The following GCG variants were observed in gnomAD, a reference collection of about 807,000 sequenced individuals.
GCG encodes glucagon.
In GCG, 11 loss-of-function variants were observed where a neutral mutation model predicts 22.8. That is an observed-to-expected ratio of 0.48 (90% CI 0.30 to 0.80). The LOEUF (loss-of-function observed/expected upper bound fraction) is 0.80, where lower values mean the gene tolerates loss of function less well. Among genes scored for constraint, GCG ranks in the 30% least tolerant of loss-of-function variants. The pLI is 0.06. For synonymous variants in GCG, 89 were observed against 72.4 expected (o/e 1.23, Z -1.16); for missense variants, 222 against 222.0 (o/e 1.00, Z 0.00).
At chr2:162,145,504 A>G in intron 4 of GCG, 36 bp downstream of exon 4, 1 of 1,557,996 alleles carries the variant, frequency 6.4e-7, no homozygotes, top group East Asian at 2.3e-5. Flanking sequence ...TTCTGCATCA[A>G]GGCAAAAAAT....
chr2:162,146,930 T>A (rs893288187), intron 3 of GCG, among the ~76,000 whole-genome samples: 2 of 152,186 alleles, frequency 1.3e-5, no homozygotes, highest in African/African-American at 4.8e-5. Flanking sequence ...GGAATGCATC[T>A]GTTTCCATTC....
In GCG at chr2:162,150,937, A is replaced by G. The variant is rs560342711; in HGVS notation, c.-10+1221T>C. On this transcript the variant is annotated intron_variant, in intron 1 of 5. Transcript: ENST00000418842. ...TCCGTATCTAATAATATTACCAACA[A>G]TAAATGACTTCTTCTGAAGAAAGAA... is the stretch of plus-strand genomic sequence containing the variant. 1.0e-3 allele frequency among the ~76,000 whole-genome samples: 157 copies of G among 152,204 alleles called. 2 individuals are homozygous for G. Among genetic ancestry groups the G allele is most frequent in the Non-Finnish European group, 1.5e-3 (105 of 67,992 alleles).
At chr2:162,147,331 T>C (rs1686713360) in intron 3 of GCG, 22 bp downstream of exon 3, 8 of 1,588,694 alleles carry the variant, frequency 5.0e-6, no homozygotes. Flanking sequence ...AAGCAAGTTT[T>C]GAGCCAGGCT....
rs1686573493 is a variant in GCG at position 162,143,301 on chromosome 2, A to G, written c.*63T>C. 2.2e-6 allele frequency: 2 copies of G among 896,940 alleles called. No homozygotes were observed. The highest frequency in any genetic ancestry group is 3.3e-6 in the Non-Finnish European group (2 of 597,870). 55.6% of individuals were successfully genotyped at this position (896,940 alleles called of 1,614,324 possible). A position where few individuals can be genotyped will look rare whatever the true frequency, so the allele number is the denominator to read the frequency against. On this transcript the variant is annotated 3_prime_UTR_variant, in exon 6 of 6. Coordinates refer to ENST00000418842, the MANE Select transcript of GCG (RefSeq NM_002054.5). Reference sequence around the variant, plus strand: ...ACCTCTTAAATTTACAGGACTTAACATTTCAAACATCCCACGTGGCTAGCA... The same window carrying G: ...ACCTCTTAAATTTACAGGACTTAACGTTTCAAACATCCCACGTGGCTAGCA...
chr2:162,147,830 T>C (rs1376398225), intron 2 of GCG, among the ~76,000 whole-genome samples: 9 of 152,020 alleles, frequency 5.9e-5, no homozygotes, highest in African/African-American at 2.2e-4. Context: ...CAGAAGAGAG[T>C]AGTGACTTGA....
intron 3 of GCG, among the ~76,000 whole-genome samples, chr2:162,146,466 C>CTGTGGCTG (rs1686685696): frequency 1.3e-5 from 2 of 151,946 alleles, no homozygotes; most frequent in Admixed American, 1.3e-4. Flanking sequence ...AGCCATCTTC[C>CTGTGGCTG]TGTGGCTGTA....
At chr2:162,145,783 T>A (rs1364785275) in intron 3 of GCG, 106 bp from the exon 4 acceptor site, 1 of 785,566 alleles carries the variant, frequency 1.3e-6, no homozygotes, top group Non-Finnish European at 2.0e-6. Context: ...TAGAAGGGGC[T>A]TAGGGAGTTT....
intron 4 of GCG, chr2:162,145,155 T>C (rs1041072973): frequency 6.4e-6 from 1 of 156,350 alleles, no homozygotes; most frequent in Non-Finnish European, 1.4e-5. Context: ...TTTCTTTACA[T>C]ATTTGAAGTT....
chr2:162,143,868 A>C (rs945345146), intron 5 of GCG, 159 bp downstream of exon 5: 2 of 665,300 alleles, frequency 3.0e-6, no homozygotes, highest in East Asian at 5.4e-5. Context: ...CAAAACAAAC[A>C]TAATGATGTA....
chr2:162,150,638 A>G (rs1375930496), intron 1 of GCG, among the ~76,000 whole-genome samples: 3 of 152,192 alleles, frequency 2.0e-5, no homozygotes, highest in African/African-American at 7.2e-5. Context: ...TCTACTGATT[A>G]TAACTCTCAA....
Position 162,151,615 on chromosome 2 carries a change from C to T in GCG, c.-10+543G>A, listed in dbSNP as rs115882217. ...CACCAAGTACGCTATGTTTTATTTACAAAGAGTTGCTTTAATGGACTTTGA... is the reference window on the plus strand; with the variant it reads ...CACCAAGTACGCTATGTTTTATTTATAAAGAGTTGCTTTAATGGACTTTGA... On this transcript the variant is annotated intron_variant, in intron 1 of 5. Transcript: ENST00000418842. 4.1e-3 allele frequency among the ~76,000 whole-genome samples: 630 copies of T among 152,198 alleles called. 9 individuals are homozygous for T. The highest frequency in any genetic ancestry group is 0.014 in the African/African-American group (592 of 41,554).
chr2:162,149,429 T>C (rs1686779291), intron 1 of GCG, among the ~76,000 whole-genome samples: 1 of 152,174 alleles, frequency 6.6e-6, no homozygotes, highest in Non-Finnish European at 1.5e-5. Context: ...AGCTTTTTCA[T>C]TAATGTAGGG....
At chr2:162,148,571 T>C (rs1313641195) in intron 2 of GCG, among the ~76,000 whole-genome samples, 1 of 152,084 alleles carries the variant, frequency 6.6e-6, no homozygotes, top group Non-Finnish European at 1.5e-5. Context: ...CAAGAGATAT[T>C]TATGTACAGT....
chr2:162,148,167 G>A (rs1379778389), intron 2 of GCG, among the ~76,000 whole-genome samples: 1 of 152,036 alleles, frequency 6.6e-6, no homozygotes, highest in Non-Finnish European at 1.5e-5. Flanking sequence ...ATGCTGAGGA[G>A]GATATTATGA....
chr2:162,143,608 T>C (rs141096554), intron 5 of GCG, among the ~76,000 whole-genome samples: 3 of 152,178 alleles, frequency 2.0e-5, no homozygotes, highest in Non-Finnish European at 2.9e-5. Flanking sequence ...TCAAAATTCA[T>C]CAAGATAAGT....
At chr2:162,144,311 C>A (rs1459538775) in intron 4 of GCG, 141 bp from the exon 5 acceptor site, 3 of 676,320 alleles carry the variant, frequency 4.4e-6, no homozygotes, top group Non-Finnish European at 7.6e-6. Flanking sequence ...CTGTGAAATA[C>A]CTGATAAAAA....
chr2:162,144,485 C>CATT, intron 4 of GCG: 1 of 242,278 alleles, frequency 4.1e-6, no homozygotes, highest in Admixed American at 5.0e-5. Context: ...TGTAATTCAA[C>CATT]TAAATATATC....
intron 1 of GCG, among the ~76,000 whole-genome samples, chr2:162,151,244 C>T (rs765106885): frequency 6.6e-6 from 1 of 152,130 alleles, no homozygotes; most frequent in Admixed American, 6.5e-5. Flanking sequence ...GAAAGATTAA[C>T]CTTAGACCTA....
At chr2:162,148,718 T>C (rs997061186) in intron 2 of GCG, among the ~76,000 whole-genome samples, 10 of 152,080 alleles carry the variant, frequency 6.6e-5, no homozygotes, top group Admixed American at 1.3e-4. Context: ...GGCTTTTACA[T>C]TTAGGAAGAA....
Sources: allele counts gnomAD v4.1 joint callset (sites outside exome capture counted in the v4.1 genomes callset), GRCh38; gene constraint gnomAD v4.1.1; transcripts MANE v1.5; gene names NCBI Gene and HGNC (gene_info 2026-07-23, HGNC 2026-07-21).